Variants in GPD2 observed in about 807,000 individuals in gnomAD.
GPD2 encodes glycerol-3-phosphate dehydrogenase, mitochondrial.
Under a neutral mutation model 82.4 loss-of-function variants are expected in GPD2, and 54 were observed. The ratio of observed to expected loss-of-function variants is 0.66; its 90% CI spans 0.53 to 0.82. The LOEUF (loss-of-function observed/expected upper bound fraction) is 0.82. Among genes scored for constraint, GPD2 ranks in the 40% least tolerant of loss-of-function variants. The pLI, the probability that GPD2 is intolerant of heterozygous loss-of-function variation, is 0.00. For synonymous variants in GPD2, 288 were observed against 306.1 expected, an observed-to-expected ratio of 0.94 and a Z score of 0.62; for missense variants, 748 against 896.2, an observed-to-expected ratio of 0.83 and a Z score of 2.11.
chr2:156,414,950 G>T, the GPD2 span, among the ~76,000 whole-genome samples: 1 of 151,942 alleles, frequency 6.6e-6, no homozygotes, highest in African/African-American at 2.4e-5. Context: ...ATGAGTTAAT[G>T]GGCTCCTATT....
At chr2:156,494,190 A>T (rs1684287576) in intron 2 of GPD2, among the ~76,000 whole-genome samples, 1 of 152,158 alleles carries the variant, frequency 6.6e-6, no homozygotes, top group Admixed American at 6.5e-5. Flanking sequence ...GTTTTTATGA[A>T]ATTTAGTAAA....
intron 6 of GPD2, among the ~76,000 whole-genome samples, chr2:156,541,835 T>TTTTG (rs1553475251): frequency 1.4e-5 from 2 of 145,338 alleles, no homozygotes; most frequent in Non-Finnish European, 3.0e-5. Flanking sequence ...TTTTTTTTTT[T>TTTTG]TTTTTTTTTT....
intron 6 of GPD2, among the ~76,000 whole-genome samples, chr2:156,541,078 A>G (rs1428435470): frequency 6.6e-6 from 1 of 152,244 alleles, no homozygotes; most frequent in Non-Finnish European, 1.5e-5. Context: ...TCATAGCATC[A>G]TTATCTATCT....
intron 6 of GPD2, among the ~76,000 whole-genome samples, chr2:156,524,304 C>T (rs1396833874): frequency 1.3e-5 from 2 of 152,158 alleles, no homozygotes; most frequent in East Asian, 1.9e-4. Flanking sequence ...AGAAGCAACA[C>T]CTAAGCTCAG....
chr2:156,558,591 CT>C (rs1379032444), intron 9 of GPD2, among the ~76,000 whole-genome samples: 1 of 151,548 alleles, frequency 6.6e-6, no homozygotes, highest in African/African-American at 2.4e-5. Context: ...AAACATAAAG[CT>C]TTTTGTTTTG....
At chr2:156,431,150 G>A (rs1688311654), upstream of GPD2, among the ~76,000 whole-genome samples, 1 of 152,196 alleles carries the variant, frequency 6.6e-6, no homozygotes. Flanking sequence ...GGAGAAAGGA[G>A]TTAGGTGGCA....
At chr2:156,414,552 A>G in the GPD2 span, among the ~76,000 whole-genome samples, 29,607 of 152,208 alleles carry the variant, frequency 0.19, 3,294 homozygotes, top group Non-Finnish European at 0.24. Flanking sequence ...AGATATTTAC[A>G]TGCTTTATGG....
intron 2 of GPD2, among the ~76,000 whole-genome samples, chr2:156,488,933 A>G (rs1048303338): frequency 6.6e-6 from 1 of 152,206 alleles, no homozygotes; most frequent in Non-Finnish European, 1.5e-5. Flanking sequence ...TATTCTCCCA[A>G]TTCCACCAAG....
chr2:156,484,092 C>T (rs1371664657), intron 2 of GPD2, among the ~76,000 whole-genome samples: 1 of 149,314 alleles, frequency 6.7e-6, no homozygotes, highest in East Asian at 2.0e-4. Context: ...ATTCTATCTG[C>T]AGAGGCATTT....
intron 6 of GPD2, among the ~76,000 whole-genome samples, chr2:156,529,415 T>C (rs1464182464): frequency 7.3e-5 from 10 of 137,530 alleles, no homozygotes; most frequent in African/African-American, 2.7e-4. Flanking sequence ...GGTAGTTTCT[T>C]TTGCTGTGCA....
the GPD2 span, among the ~76,000 whole-genome samples, chr2:156,417,132 G>A: frequency 2.0e-5 from 3 of 152,058 alleles, no homozygotes; most frequent in Non-Finnish European, 2.9e-5. Flanking sequence ...AAACTAAACT[G>A]AACTACAGCA....
At chr2:156,544,320 A>T (rs1686442529) in intron 6 of GPD2, among the ~76,000 whole-genome samples, 1 of 152,218 alleles carries the variant, frequency 6.6e-6, no homozygotes, top group South Asian at 2.1e-4. Context: ...GGGCACAAGC[A>T]GAAACATACA....
At chr2:156,400,761 T>C in the GPD2 span, among the ~76,000 whole-genome samples, 3 of 152,224 alleles carry the variant, frequency 2.0e-5, no homozygotes, top group East Asian at 3.8e-4. Context: ...GAAATATGCT[T>C]TCGGCTGGGG....
At chr2:156,489,965 G>A (rs926967656) in intron 2 of GPD2, among the ~76,000 whole-genome samples, 11 of 142,302 alleles carry the variant, frequency 7.7e-5, no homozygotes, top group African/African-American at 2.4e-4. Context: ...TCTCCCTGAC[G>A]CAGGGTTTCG....
At chr2:156,478,148 G>A (rs542171924) in intron 2 of GPD2, among the ~76,000 whole-genome samples, 22 of 152,186 alleles carry the variant, frequency 1.4e-4, no homozygotes, top group Middle Eastern at 3.4e-3. Context: ...AGAATAAACA[G>A]AAGAGACTCT....
the GPD2 span, among the ~76,000 whole-genome samples, chr2:156,403,724 A>G: frequency 4.6e-5 from 7 of 152,176 alleles, no homozygotes; most frequent in Non-Finnish European, 1.0e-4. Context: ...ATACTTTGAG[A>G]TTTGTGTTAG....
chr2:156,533,171 C>T (rs558637932), intron 6 of GPD2, among the ~76,000 whole-genome samples: 2 of 152,260 alleles, frequency 1.3e-5, no homozygotes, highest in Admixed American at 1.3e-4. Flanking sequence ...TCTTCCTGTC[C>T]AGAGTGAAAC....
intron 3 of GPD2, among the ~76,000 whole-genome samples, chr2:156,507,237 C>T (rs753163055): frequency 3.3e-5 from 5 of 151,944 alleles, no homozygotes; most frequent in Non-Finnish European, 7.4e-5. Flanking sequence ...GTCTTGAACT[C>T]CTGACCTCAA....
chr2:156,476,043 G>C (rs1558917184), intron 1 of GPD2, 55 bp from the exon 2 acceptor site: 1 of 867,628 alleles, frequency 1.2e-6, no homozygotes, highest in Non-Finnish European at 2.0e-6. Flanking sequence ...TATTGGGATG[G>C]TTATGCGATA....
Sources: allele counts gnomAD v4.1 joint callset (sites outside exome capture counted in the v4.1 genomes callset), GRCh38; gene constraint gnomAD v4.1.1; transcripts MANE v1.5; gene names NCBI Gene and HGNC (gene_info 2026-07-23, HGNC 2026-07-21).